Variants in JMJD1C observed in about 807,000 individuals in gnomAD.
JMJD1C encodes the protein jumonji domain-containing protein 1C.
In JMJD1C, 31 loss-of-function variants were observed where a neutral mutation model predicts 245.3. The observed-to-expected ratio is 0.13, with a 90% CI of 0.09 to 0.17. JMJD1C has a LOEUF of 0.17. Ranked by LOEUF, JMJD1C falls within the 10% of genes least tolerant of loss-of-function variation. The probability of loss-of-function intolerance (pLI) is 1.00; values close to 1 mark genes in which losing one functional copy is unlikely to be tolerated. For missense variants in JMJD1C, 2,691 were observed against 3,000.2 expected (o/e 0.90, Z 2.41); for synonymous variants, 1,057 against 1,017.4 (o/e 1.04, Z -0.74).
chr10:63,209,090 G>A lies in JMJD1C; in HGVS notation c.2840C>T (p.Thr947Ile). 1 of 1,613,300 alleles carries A rather than the reference G, an allele frequency of 6.2e-7. No homozygotes were observed. The change falls in exon 9 of 26, where the codon ACA becomes ATA. Residue 947 changes from threonine to isoleucine, a missense_variant. Physicochemically the swap from Thr to Ile is moderately conservative, Grantham distance 89. Transcript: ENST00000399262. ...KITAHSSPPL[T>I]KTLVDHHKEE... ...CTTATGATGATCTACTAAAGTTTTT[G>A]TCAATGGTGGACTGGAATGGGCTGT...
At chr10:63,333,054 A>G (rs1235357291) in intron 2 of JMJD1C, among the ~76,000 whole-genome samples, 1 of 152,206 alleles carries the variant, frequency 6.6e-6, no homozygotes, top group African/African-American at 2.4e-5. Context: ...AATATTTCCT[A>G]AAAGAAAAAC....
chr10:63,400,965 G>C (rs1948813516), intron 1 of JMJD1C, among the ~76,000 whole-genome samples: 1 of 151,338 alleles, frequency 6.6e-6, no homozygotes, highest in Non-Finnish European at 1.5e-5. Flanking sequence ...GGTTCAAGCA[G>C]TTCTCCCTTC....
At chr10:63,494,067 T>C (rs996719894) in intron 1 of JMJD1C, among the ~76,000 whole-genome samples, 4 of 152,134 alleles carry the variant, frequency 2.6e-5, no homozygotes, top group Non-Finnish European at 4.4e-5. Flanking sequence ...TCCCAGCACT[T>C]TGGAAGGCCG....
At chr10:63,230,402 A>G (rs1366638474) in intron 3 of JMJD1C, among the ~76,000 whole-genome samples, 1 of 152,104 alleles carries the variant, frequency 6.6e-6, no homozygotes, top group Non-Finnish European at 1.5e-5. Context: ...TTTACCCTGC[A>G]CTTTTTACAA....
At chr10:63,399,860 A>G (rs920082588) in intron 1 of JMJD1C, among the ~76,000 whole-genome samples, 6 of 152,014 alleles carry the variant, frequency 3.9e-5, no homozygotes, top group African/African-American at 1.4e-4. Context: ...AAAACAAGGT[A>G]TATTCGGAGA....
intron 1 of JMJD1C, among the ~76,000 whole-genome samples, chr10:63,431,854 G>T (rs1037292685): frequency 6.6e-5 from 10 of 152,074 alleles, no homozygotes; most frequent in African/African-American, 2.4e-4. Flanking sequence ...TCTACTAAAA[G>T]TACAAAAATT....
At position 63,167,322 on chromosome 10, in the gene JMJD1C, A is replaced by G. The variant is rs1256018885; in HGVS notation, c.*723T>C. Reference sequence around the variant, plus strand: ...CTTGCACTTTAACAAAAGCAAGCCAATGTTTTAAAAAAATACATCATTAAA... The same window carrying G: ...CTTGCACTTTAACAAAAGCAAGCCAGTGTTTTAAAAAAATACATCATTAAA... On this transcript the variant is annotated 3_prime_UTR_variant, in exon 26 of 26. Coordinates refer to ENST00000399262, the MANE Select transcript of JMJD1C (RefSeq NM_032776.3). 1 of 152,594 alleles carries G rather than the reference A, an allele frequency of 6.6e-6. No individual in the cohort carries two copies. Among genetic ancestry groups the G allele is most frequent in the Non-Finnish European group, 1.5e-5 (1 of 68,034 alleles). 9.5% of individuals were successfully genotyped at this position (152,594 alleles called of 1,614,324 possible). A position where few individuals can be genotyped will look rare whatever the true frequency, so the allele number is the denominator to read the frequency against.
chr10:63,354,201 G>A (rs926028422), intron 2 of JMJD1C, among the ~76,000 whole-genome samples: 8 of 152,150 alleles, frequency 5.3e-5, no homozygotes, highest in African/African-American at 1.7e-4. Context: ...AATATAAATA[G>A]TAATCCACAA....
chr10:63,261,248 T>C (rs1854704890), intron 3 of JMJD1C, among the ~76,000 whole-genome samples: 1 of 152,148 alleles, frequency 6.6e-6, no homozygotes, highest in Non-Finnish European at 1.5e-5. Context: ...TAATATATAA[T>C]GATTGCATCC....
chr10:63,269,381 T>C (rs1191893406), intron 2 of JMJD1C: 3 of 182,918 alleles, frequency 1.6e-5, no homozygotes, highest in African/African-American at 2.4e-5. Context: ...CTCATAATTT[T>C]AACAACAGAC....
intron 2 of JMJD1C, among the ~76,000 whole-genome samples, chr10:63,281,442 A>G (rs1207970200): frequency 8.3e-6 from 1 of 120,844 alleles, no homozygotes; most frequent in Non-Finnish European, 1.6e-5. Flanking sequence ...TACAGGCGTG[A>G]GCCACTGCGC....
intron 24 of JMJD1C, among the ~76,000 whole-genome samples, chr10:63,172,879 A>C (rs1341697901): frequency 6.8e-6 from 1 of 146,700 alleles, no homozygotes. Context: ...GGATGGCTAG[A>C]GAGGAACTAG....
intron 2 of JMJD1C, among the ~76,000 whole-genome samples, chr10:63,319,325 G>T (rs1940545288): frequency 6.8e-6 from 1 of 147,842 alleles, no homozygotes; most frequent in Middle Eastern, 3.5e-3. Context: ...CTGAAAAAGT[G>T]TGATGCCAAT....
intron 1 of JMJD1C, among the ~76,000 whole-genome samples, chr10:63,388,000 A>T (rs1305817281): frequency 6.6e-6 from 1 of 152,130 alleles, no homozygotes; most frequent in African/African-American, 2.4e-5. Flanking sequence ...GACATCATAA[A>T]GCTACCAAAT....
At chr10:63,495,766 A>AG (rs1954344875) in intron 1 of JMJD1C, among the ~76,000 whole-genome samples, 2 of 151,880 alleles carry the variant, frequency 1.3e-5, no homozygotes, top group Admixed American at 6.5e-5. Flanking sequence ...AAAAAAAAAA[A>AG]AAGAAGAAGA....
chr10:63,330,010 C>T (rs768138328), intron 2 of JMJD1C, among the ~76,000 whole-genome samples: 2 of 152,234 alleles, frequency 1.3e-5, no homozygotes, highest in Admixed American at 6.5e-5. Context: ...AAGAGATTCT[C>T]GTGTCTCAGC....
chr10:63,419,802 C>G (rs1950013057), intron 1 of JMJD1C, among the ~76,000 whole-genome samples: 1 of 142,582 alleles, frequency 7.0e-6, no homozygotes, highest in Non-Finnish European at 1.5e-5. Flanking sequence ...CACCAGGCAC[C>G]TGGATGAAAG....
chr10:63,308,579 C>T (rs71508961), intron 2 of JMJD1C, among the ~76,000 whole-genome samples: 1,993 of 147,966 alleles, frequency 0.013, 30 homozygotes, highest in African/African-American at 0.034. Flanking sequence ...AGAGTTATTT[C>T]GTCTAAGAAA....
At chr10:63,275,212 T>A (rs1041513481) in intron 2 of JMJD1C, among the ~76,000 whole-genome samples, 1 of 152,222 alleles carries the variant, frequency 6.6e-6, no homozygotes. Context: ...CACAGCTGAA[T>A]GATTTTTACA....
Sources: gnomAD v4.1 joint callset for allele counts (sites outside exome capture counted in the v4.1 genomes callset) on GRCh38, gnomAD v4.1.1 for gene constraint, MANE v1.5 for transcripts, NCBI Gene and HGNC (gene_info 2026-07-23, HGNC 2026-07-21) for gene names.